The following TRPV3 variants were observed in gnomAD, a reference collection of about 807,000 sequenced individuals.
The protein encoded by TRPV3 is VRL-3.
A neutral mutation model predicts 87.1 loss-of-function variants in TRPV3; 88 were observed. The ratio of observed to expected loss-of-function variants is 1.01; its 90% CI spans 0.85 to 1.21. The LOEUF (loss-of-function observed/expected upper bound fraction) is 1.21. Ranked by LOEUF, TRPV3 falls within the 50% of genes most tolerant of loss-of-function variation. The probability of loss-of-function intolerance (pLI) is 0.00; values close to 1 mark genes in which losing one functional copy is unlikely to be tolerated. For missense variants in TRPV3, 1,054 were observed against 1,030.1 expected (o/e 1.02, Z -0.32); for synonymous variants, 438 against 423.3 (o/e 1.03, Z -0.43).
Position 3,526,030 on chromosome 17 carries a change from A to C in TRPV3, c.1577+824T>G, listed in dbSNP as rs556842116. Among the ~76,000 whole-genome samples, 4 of 152,358 alleles carry C rather than the reference A, an allele frequency of 2.6e-5. No individual in the cohort carries two copies. The East Asian group carries it at 7.7e-4, about 29-fold the overall frequency. On this transcript the variant is annotated intron_variant, in intron 12 of 17. Coordinates refer to ENST00000576742, the MANE Select transcript of TRPV3 (RefSeq NM_145068.4). ...ATCCATTATGCAGACATCTGGATAA[A>C]AACACTGTCTTATAACATCAGACAG...
At position 3,513,751 on chromosome 17, in the gene TRPV3, T is replaced by C; in HGVS notation, c.*166A>G. ...TTTCCCACTCAGACAAATTGACAAC[T>C]GCCCCTCAGTTCAGACACCCACTGA... On this transcript the variant is annotated 3_prime_UTR_variant, in exon 18 of 18. Transcript: ENST00000576742. 7.4e-6 allele frequency: 4 copies of C among 543,086 alleles called. No individual in the cohort carries two copies. The highest frequency in any genetic ancestry group is 1.3e-5 in the Non-Finnish European group (4 of 306,702). 33.6% of individuals were successfully genotyped at this position (543,086 alleles called of 1,614,324 possible).
At chr17:3,532,353 G>T (rs2074356003) in intron 8 of TRPV3, among the ~76,000 whole-genome samples, 1 of 152,262 alleles carries the variant, frequency 6.6e-6, no homozygotes. Context: ...CCACTGCTGG[G>T]GCTATTGTGT....
rs566915761 is a variant in TRPV3, at chr17:3,516,452, G to T, written c.2198+5C>A. 1.4e-5 allele frequency: 22 copies of T among 1,613,022 alleles called. No individual in the cohort carries two copies. The South Asian group carries it at 2.2e-4, about 16-fold the overall frequency. Reference sequence around the variant, plus strand: ...ACCACCCCAGGGCCCTTCTCCCTTTGTTACCGCAAACACAGTCGGAAATCA... The same window carrying T: ...ACCACCCCAGGGCCCTTCTCCCTTTTTTACCGCAAACACAGTCGGAAATCA... On this transcript the variant is annotated splice_donor_5th_base_variant and intron_variant, in intron 16 of 17. Coordinates refer to ENST00000576742, the MANE Select transcript of TRPV3 (RefSeq NM_145068.4).
chr17:3,525,100 A>G (rs1346740538), intron 12 of TRPV3, among the ~76,000 whole-genome samples: 27 of 151,880 alleles, frequency 1.8e-4, no homozygotes, highest in African/African-American at 3.4e-4. Context: ...GCTCACTGCA[A>G]CCTCCGCCTC....
chr17:3,532,490 C>A (rs1381135162), intron 8 of TRPV3, among the ~76,000 whole-genome samples, 167 bp downstream of exon 8: 1 of 152,256 alleles, frequency 6.6e-6, no homozygotes, highest in Non-Finnish European at 1.5e-5. Flanking sequence ...TCAGAACAAA[C>A]CTGCCTCCGG....
In TRPV3 at chr17:3,525,074, C is replaced by G. The variant is rs753344768; in HGVS notation, c.1578-711G>C. On this transcript the variant is annotated intron_variant, in intron 12 of 17. Transcript: ENST00000576742. Reference sequence around the variant, plus strand: ...TTGCTCTGTCACCTAGGCTGGAGTACAGTGGCATGAACTCTGCTCACTGCA... The same window carrying G: ...TTGCTCTGTCACCTAGGCTGGAGTAGAGTGGCATGAACTCTGCTCACTGCA... Among the ~76,000 whole-genome samples the G allele has an allele frequency of 1.3e-3, 200 of 152,300 alleles. 1 individual carries two copies. The highest frequency in any genetic ancestry group is 2.4e-3 in the Non-Finnish European group (165 of 68,024).
Position 3,527,841 on chromosome 17 carries a change from G to A in TRPV3, c.1503+184C>T, listed in dbSNP as rs938565792. 6.7e-6 allele frequency: 4 copies of A among 594,744 alleles called. No individual in the cohort carries two copies. The East Asian group carries it at 8.6e-5, about 13-fold the overall frequency. The allele number at this position is 594,744 out of a possible 1,614,324, so 36.8% of individuals were successfully genotyped here. ...GGGCAGATGGATAGAGAAGTAGATG[G>A]ATGAAGTAGGTAGGATAGGCCAGCC... On this transcript the variant is annotated intron_variant, in intron 11 of 17. Coordinates refer to ENST00000576742, the MANE Select transcript of TRPV3 (RefSeq NM_145068.4).
At chr17:3,538,068 A>G (rs530965438) in intron 6 of TRPV3, among the ~76,000 whole-genome samples, 178 of 150,786 alleles carry the variant, frequency 1.2e-3, no homozygotes, top group African/African-American at 3.9e-3. Context: ...CGTGATGGTG[A>G]GTGCCTGTAG....
At chr17:3,534,059 T>C (rs2654686) in intron 7 of TRPV3, among the ~76,000 whole-genome samples, 94,907 of 151,814 alleles carry the variant, frequency 0.63, 30,043 homozygotes, top group East Asian at 0.8. Context: ...CACGACCAGC[T>C]CCGGACACCA....
chr17:3,539,753 C>T (rs1483584857), intron 6 of TRPV3: 2 of 151,986 alleles, frequency 1.3e-5, no homozygotes, highest in African/African-American at 2.4e-5. Context: ...AATATCTTAA[C>T]TTCATGTTTA....
Position 3,544,732 on chromosome 17 carries a change from C to T in TRPV3, c.225-67G>A, listed in dbSNP as rs564446309. The T allele has an allele frequency of 5.8e-4, 688 of 1,181,564 alleles. 4 individuals carry two copies. The African/African-American group carries it at 9.1e-3, about 16-fold the overall frequency. 73.2% of individuals were successfully genotyped at this position (1,181,564 alleles called of 1,614,324 possible). A position where few individuals can be genotyped will look rare whatever the true frequency, so the allele number is the denominator to read the frequency against. On this transcript the variant is annotated intron_variant, in intron 3 of 17. Coordinates refer to ENST00000576742, the MANE Select transcript of TRPV3 (RefSeq NM_145068.4). ...TTAAAATGGGCCGGGTGAGGTGGCT[C>T]ATGCATGTAATCCCAGCACTTTGGG... is the stretch of plus-strand genomic sequence containing the variant.
chr17:3,529,458 G>A (rs2074329470), intron 9 of TRPV3, among the ~76,000 whole-genome samples: 2 of 152,114 alleles, frequency 1.3e-5, no homozygotes, highest in South Asian at 4.1e-4. Flanking sequence ...ATGACTCTTA[G>A]TAAAGTATGA....
At position 3,513,641 on chromosome 17, in the gene TRPV3, G is replaced by A. The variant is rs545675279; in HGVS notation, c.*276C>T. The A allele has an allele frequency of 1.8e-4, 62 of 346,226 alleles. No individual in the cohort carries two copies. Among genetic ancestry groups the A allele is most frequent in the Non-Finnish European group, 2.7e-4 (51 of 191,282 alleles). The allele number at this position is 346,226 out of a possible 1,614,324, so 21.4% of individuals were successfully genotyped here. On this transcript the variant is annotated 3_prime_UTR_variant, in exon 18 of 18. Transcript: ENST00000576742. ...ATTGGTAAAACCAGAGGCTTCACCC[G>A]GGACTTCAGGAGGCTCCCAGGCTCC... is the stretch of plus-strand genomic sequence containing the variant.
At position 3,516,446 on chromosome 17, in the gene TRPV3, C is replaced by A. The variant is rs2150778706; in HGVS notation, c.2198+11G>T. 2 of 1,612,118 alleles carry A rather than the reference C, an allele frequency of 1.2e-6. No homozygotes were observed. Among genetic ancestry groups the A allele is most frequent in the African/African-American group, 1.3e-5 (1 of 75,002 alleles). On this transcript the variant is annotated intron_variant, in intron 16 of 17. Coordinates refer to ENST00000576742, the MANE Select transcript of TRPV3 (RefSeq NM_145068.4). ...AAGACCACCACCCCAGGGCCCTTCT[C>A]CCTTTGTTACCGCAAACACAGTCGG...
Position 3,556,407 on chromosome 17 carries a change from C to G in TRPV3, c.-3+1269G>C, listed in dbSNP as rs112469370. On this transcript the variant is annotated intron_variant, in intron 1 of 17. Transcript: ENST00000576742. This position sits in a 1 kb window ranked among gnomAD's most constrained non-coding sequence, Gnocchi z 4.2. ...GCTGGCCACAGAGGGATGACATGGG[C>G]GGGGAAAGGGCTGTGTGGACAGGTG... 1.4e-5 allele frequency among the ~76,000 whole-genome samples: 2 copies of G among 147,566 alleles called. No individual in the cohort carries two copies. Among genetic ancestry groups the G allele is most frequent in the Admixed American group, 6.8e-5 (1 of 14,734 alleles).
chr17:3,520,856 A>G (rs2074238728), intron 14 of TRPV3, 117 bp downstream of exon 14: 2 of 536,852 alleles, frequency 3.7e-6, no homozygotes. Context: ...AAGCATGGCA[A>G]GTGCCCCACT....
intron 6 of TRPV3, among the ~76,000 whole-genome samples, chr17:3,538,711 A>C (rs904283765): frequency 2.0e-5 from 3 of 151,950 alleles, no homozygotes; most frequent in Non-Finnish European, 4.4e-5. Flanking sequence ...CAGCCTCCCA[A>C]GTAGCTGGGA....
At chr17:3,524,698 G>A (rs1342324984) in intron 12 of TRPV3, among the ~76,000 whole-genome samples, 2 of 151,586 alleles carry the variant, frequency 1.3e-5, no homozygotes, top group Admixed American at 1.3e-4. Context: ...CGGGCCTGGT[G>A]TAGTGGCTTT....
chr17:3,546,359 T>C (rs2074525690), intron 2 of TRPV3, among the ~76,000 whole-genome samples: 1 of 151,938 alleles, frequency 6.6e-6, no homozygotes, highest in Non-Finnish European at 1.5e-5. Flanking sequence ...GGAAAAGTGC[T>C]TGAACCCGGG....
Sources: allele counts gnomAD v4.1 joint callset (sites outside exome capture counted in the v4.1 genomes callset), GRCh38; gene constraint gnomAD v4.1.1; non-coding constraint Gnocchi (gnomAD v3.1); transcripts MANE v1.5; gene names NCBI Gene and HGNC (gene_info 2026-07-23, HGNC 2026-07-21).